Variants in CAMKMT observed in about 807,000 individuals in gnomAD.
CAMKMT encodes CaM KMT.
A neutral mutation model predicts 48.0 loss-of-function variants in CAMKMT; 53 were observed. The ratio of observed to expected loss-of-function variants is 1.10; its 90% confidence interval spans 0.89 to 1.39. The LOEUF (loss-of-function observed/expected upper bound fraction) is 1.39, where lower values mean the gene tolerates loss of function less well. Ranked by LOEUF, CAMKMT falls within the 40% of genes most tolerant of loss-of-function variation. The pLI is 0.00. For missense variants in CAMKMT, 428 were observed against 402.7 expected (o/e 1.06, Z -0.54); for synonymous variants, 165 against 152.3 (o/e 1.08, Z -0.61).
At chr2:44,404,206 A>C (rs1682622066) in intron 3 of CAMKMT, among the ~76,000 whole-genome samples, 1 of 152,170 alleles carries the variant, frequency 6.6e-6, no homozygotes, top group African/African-American at 2.4e-5. Context: ...ACCACACTTT[A>C]AGTAAATAAA....
At chr2:44,419,528 G>T (rs78228884) in intron 3 of CAMKMT, among the ~76,000 whole-genome samples, 28 of 152,250 alleles carry the variant, frequency 1.8e-4, no homozygotes, top group East Asian at 1.4e-3. Context: ...CAAGGAAATA[G>T]ATTCTCCTCT....
chr2:44,451,291 A>G (rs1414746351), intron 3 of CAMKMT, among the ~76,000 whole-genome samples: 1 of 152,104 alleles, frequency 6.6e-6, no homozygotes, highest in Non-Finnish European at 1.5e-5. Flanking sequence ...TACATGTATT[A>G]CAGTAGACAA....
chr2:44,731,793 C>T (rs1336556518), intron 7 of CAMKMT, among the ~76,000 whole-genome samples: 1 of 152,182 alleles, frequency 6.6e-6, no homozygotes, highest in Non-Finnish European at 1.5e-5. Context: ...CTTACTGTCT[C>T]TTTTTTACAG....
chr2:44,517,827 T>C (rs1435782438), intron 3 of CAMKMT, among the ~76,000 whole-genome samples: 1 of 152,236 alleles, frequency 6.6e-6, no homozygotes, highest in East Asian at 1.9e-4. Context: ...AGTTGAAATT[T>C]CACTGACATG....
chr2:44,415,291 T>C (rs981575225), intron 3 of CAMKMT, among the ~76,000 whole-genome samples: 1 of 152,266 alleles, frequency 6.6e-6, no homozygotes, highest in African/African-American at 2.4e-5. Context: ...GGAAGAGTAC[T>C]TAAAGAAAAT....
chr2:44,393,373 G>A (rs1442333130), intron 3 of CAMKMT: 1 of 152,080 alleles, frequency 6.6e-6, no homozygotes, highest in African/African-American at 2.4e-5. Context: ...CGAATGTTGT[G>A]GGAAGAAATT....
chr2:44,731,503 G>A (rs1000217359), intron 7 of CAMKMT, among the ~76,000 whole-genome samples: 1 of 152,260 alleles, frequency 6.6e-6, no homozygotes. Context: ...ATACAAATTA[G>A]GGTGAACCCA....
chr2:44,411,744 T>G (rs980208323), intron 3 of CAMKMT, among the ~76,000 whole-genome samples: 1 of 152,114 alleles, frequency 6.6e-6, no homozygotes, highest in Non-Finnish European at 1.5e-5. Context: ...TAAAATTCCA[T>G]TCATCAAACT....
intron 3 of CAMKMT, among the ~76,000 whole-genome samples, chr2:44,627,309 C>G (rs1198097506): frequency 6.6e-6 from 1 of 152,048 alleles, no homozygotes; most frequent in Non-Finnish European, 1.5e-5. Flanking sequence ...GTGGTGTCAT[C>G]TATGTTCATA....
At chr2:44,497,709 A>AAGAGAGAGAGAGAG (rs70937918) in intron 3 of CAMKMT, among the ~76,000 whole-genome samples, 5,205 of 138,606 alleles carry the variant, frequency 0.038, 110 homozygotes, top group Admixed American at 0.088. Flanking sequence ...TAAGCAGGCA[A>AAGAGAGAGAGAGAG]AGAGAGAGAG....
intron 3 of CAMKMT, among the ~76,000 whole-genome samples, chr2:44,694,514 G>T (rs1204298862): frequency 6.6e-6 from 1 of 152,222 alleles, no homozygotes; most frequent in Non-Finnish European, 1.5e-5. Context: ...AGTGAGCCAT[G>T]ACGGTGCCAC....
intron 3 of CAMKMT, among the ~76,000 whole-genome samples, chr2:44,596,705 A>G (rs1670691130): frequency 6.6e-6 from 1 of 152,192 alleles, no homozygotes; most frequent in Non-Finnish European, 1.5e-5. Context: ...CTCAGTTTCA[A>G]CTTTGAATTG....
At chr2:44,567,544 T>A (rs960789127) in intron 3 of CAMKMT, among the ~76,000 whole-genome samples, 2 of 152,202 alleles carry the variant, frequency 1.3e-5, no homozygotes, top group Non-Finnish European at 2.9e-5. Context: ...AGTAACAGTT[T>A]CCATACAAAT....
At chr2:44,502,869 A>G (rs1466028430) in intron 3 of CAMKMT, among the ~76,000 whole-genome samples, 7 of 152,132 alleles carry the variant, frequency 4.6e-5, no homozygotes, top group East Asian at 1.9e-4. Context: ...GGAAAATACT[A>G]TGTATTAATA....
intron 3 of CAMKMT, among the ~76,000 whole-genome samples, chr2:44,616,624 T>C (rs1671906123): frequency 6.6e-6 from 1 of 152,162 alleles, no homozygotes. Flanking sequence ...ATTATAACTA[T>C]ATATTTGAAC....
At chr2:44,578,107 C>G (rs1407656382) in intron 3 of CAMKMT, among the ~76,000 whole-genome samples, 1 of 152,134 alleles carries the variant, frequency 6.6e-6, no homozygotes, top group Non-Finnish European at 1.5e-5. Context: ...CTAGATCCAG[C>G]TGAAGGGCCC....
At chr2:44,576,486 T>C (rs1669228307) in intron 3 of CAMKMT, among the ~76,000 whole-genome samples, 2 of 152,192 alleles carry the variant, frequency 1.3e-5, no homozygotes, top group Non-Finnish European at 2.9e-5. Context: ...TGGGAAGCAG[T>C]CATCTGCTAA....
At chr2:44,713,591 T>G (rs1178618083) in intron 6 of CAMKMT, among the ~76,000 whole-genome samples, 1 of 152,198 alleles carries the variant, frequency 6.6e-6, no homozygotes, top group East Asian at 1.9e-4. Context: ...TCTTTTATTT[T>G]TTTAATGAAT....
rs1353922280 is a variant in CAMKMT at position 44,556,604 on chromosome 2, G to C, written c.377-147679G>C. On this transcript the variant is annotated intron_variant, in intron 3 of 10. Transcript: ENST00000378494. The stretch of plus-strand genomic sequence containing the variant: ...CCTGCCTCAGCCTCCCGAGTAGCTG[G>C]GACTACAGGCGCCCGCCACCGCGCC... Among the ~76,000 whole-genome samples, 2 of 66,174 alleles carry C rather than the reference G, an allele frequency of 3.0e-5. 1 individual carries two copies. Among genetic ancestry groups the C allele is most frequent in the Admixed American group, 2.9e-4 (2 of 6,934 alleles). The allele number at this position is 66,174 out of a possible 152,430, so 43.4% of individuals were successfully genotyped here. A position where few individuals can be genotyped will look rare whatever the true frequency, so the allele number is the denominator to read the frequency against.
Sources: gnomAD v4.1 joint callset for allele counts (sites outside exome capture counted in the v4.1 genomes callset) on GRCh38, gnomAD v4.1.1 for gene constraint, MANE v1.5 for transcripts, NCBI Gene and HGNC (gene_info 2026-07-23, HGNC 2026-07-21) for gene names.